Variants in CDH4 observed in about 807,000 individuals in gnomAD.
CDH4 encodes cadherin-4.
Under a neutral mutation model 86.0 loss-of-function variants are expected in CDH4, and 33 were observed. The ratio of observed to expected loss-of-function variants is 0.38; its 90% CI spans 0.29 to 0.51. The LOEUF (loss-of-function observed/expected upper bound fraction) is 0.51. Ranked by LOEUF, CDH4 falls within the 20% of genes least tolerant of loss-of-function variation. CDH4 has a pLI of 0.86. For synonymous variants in CDH4, 555 were observed against 549.4 expected, an observed-to-expected ratio of 1.01 and a Z score of -0.14; for missense variants, 1,114 against 1,307.4, an observed-to-expected ratio of 0.85 and a Z score of 2.28.
At chr20:61,262,231 C>G (rs1261618154) in intron 2 of CDH4, among the ~76,000 whole-genome samples, 1 of 152,202 alleles carries the variant, frequency 6.6e-6, no homozygotes, top group Admixed American at 6.5e-5. Flanking sequence ...CTCTCTTGAG[C>G]TGATGCCGTG....
chr20:61,551,577 G>C (rs764941586), intron 2 of CDH4, among the ~76,000 whole-genome samples: 6 of 152,156 alleles, frequency 3.9e-5, no homozygotes, highest in Non-Finnish European at 8.8e-5. Flanking sequence ...TCCTATGCAG[G>C]GAACCACGTG....
chr20:61,863,922 G>A lies in CDH4; in HGVS notation c.878-9806G>A, dbSNP rs1027629589. 1.4e-4 allele frequency among the ~76,000 whole-genome samples: 20 copies of A among 144,124 alleles called. No individual in the cohort carries two copies. The East Asian group carries it at 4.1e-3, about 29-fold the overall frequency. 94.6% of individuals were successfully genotyped at this position (144,124 alleles called of 152,430 possible). A position where few individuals can be genotyped will look rare whatever the true frequency, so the allele number is the denominator to read the frequency against. On this transcript the variant is annotated intron_variant, in intron 6 of 15. Transcript: ENST00000614565. Reference sequence around the variant, plus strand: ...CAGCATGGGTTTCCAGACACTGCCTGCCTCAGCTTCAGCTTAGCCCTTGGG... The same window carrying A: ...CAGCATGGGTTTCCAGACACTGCCTACCTCAGCTTCAGCTTAGCCCTTGGG...
chr20:61,254,831 TA>T lies in CDH4; in HGVS notation c.65del (p.Asn22MetfsTer22). On this transcript the variant is annotated frameshift_variant, in exon 2 of 16. Coordinates refer to ENST00000614565, the MANE Select transcript of CDH4 (RefSeq NM_001794.5). LOFTEE classifies it high-confidence loss of function. ...TCTCCCCTTTGTGTTCTCAGGCCCATAATGAGGATCTTACAACTAGAGAGAC... is the reference window on the plus strand; with the variant it reads ...TCTCCCCTTTGTGTTCTCAGGCCCATATGAGGATCTTACAACTAGAGAGAC... Reference protein sequence around the residue: ...LSLSGALRAHNEDLTTRETCK... With the variant: ...LSLSGALRAHXEDLTTRETCK... 6.3e-7 allele frequency: 1 copy of T among 1,590,546 alleles called. No homozygotes were observed. The highest frequency in any genetic ancestry group is 8.6e-7 in the Non-Finnish European group (1 of 1,158,512).
At chr20:61,882,483 C>G (rs1452089545) in intron 7 of CDH4, among the ~76,000 whole-genome samples, 1 of 152,210 alleles carries the variant, frequency 6.6e-6, no homozygotes, top group Non-Finnish European at 1.5e-5. Flanking sequence ...TGGATTCTCT[C>G]AAGATTCAGG....
intron 2 of CDH4, among the ~76,000 whole-genome samples, chr20:61,613,712 C>T (rs1377516311): frequency 6.6e-6 from 1 of 151,944 alleles, no homozygotes; most frequent in Non-Finnish European, 1.5e-5. Flanking sequence ...GGCTGTGTTC[C>T]CCTTCACTGC....
intron 2 of CDH4, among the ~76,000 whole-genome samples, chr20:61,577,060 G>C (rs1336525082): frequency 1.3e-5 from 2 of 152,248 alleles, no homozygotes; most frequent in Non-Finnish European, 2.9e-5. Flanking sequence ...GTGTGTTAAA[G>C]GATGCATGGA....
chr20:61,694,847 C>A (rs949547548), intron 2 of CDH4, among the ~76,000 whole-genome samples: 2 of 152,176 alleles, frequency 1.3e-5, no homozygotes, highest in African/African-American at 4.8e-5. Flanking sequence ...CGAGCGCTGG[C>A]GATACGCGGC....
At chr20:61,934,358 C>T in intron 15 of CDH4, 138 bp downstream of exon 15, 1 of 862,648 alleles carries the variant, frequency 1.2e-6, no homozygotes, top group Non-Finnish European at 1.7e-6. Flanking sequence ...GGGTTCCAGG[C>T]CCTGCTCTGC....
At chr20:61,279,187 A>G (rs544409494) in intron 2 of CDH4, among the ~76,000 whole-genome samples, 1 of 152,334 alleles carries the variant, frequency 6.6e-6, no homozygotes, top group East Asian at 1.9e-4. Context: ...ATCTGGGAAC[A>G]TTCTACGTGG....
chr20:61,555,270 A>G (rs566754707), intron 2 of CDH4, among the ~76,000 whole-genome samples: 15 of 152,294 alleles, frequency 9.8e-5, no homozygotes, highest in Middle Eastern at 3.4e-3. Flanking sequence ...TCATTTTAAG[A>G]GTGAAGATGT....
At chr20:61,854,348 C>T (rs1192870312) in intron 6 of CDH4, among the ~76,000 whole-genome samples, 5 of 152,206 alleles carry the variant, frequency 3.3e-5, no homozygotes, top group Non-Finnish European at 7.4e-5. Flanking sequence ...ATAGTGTGAA[C>T]AAGGTGAATT....
At chr20:61,306,931 G>A (rs1459147925) in intron 2 of CDH4, among the ~76,000 whole-genome samples, 1 of 152,200 alleles carries the variant, frequency 6.6e-6, no homozygotes, top group Admixed American at 6.5e-5. Flanking sequence ...CTGGCTGGGC[G>A]GGACTTCTCA....
At chr20:61,611,298 C>T (rs942253401) in intron 2 of CDH4, among the ~76,000 whole-genome samples, 1 of 152,086 alleles carries the variant, frequency 6.6e-6, no homozygotes, top group Non-Finnish European at 1.5e-5. Context: ...TGAGAATATA[C>T]AGGGGTCCAC....
chr20:61,406,583 T>A (rs1218764891), intron 2 of CDH4, among the ~76,000 whole-genome samples: 1 of 147,420 alleles, frequency 6.8e-6, no homozygotes, highest in East Asian at 2.1e-4. Flanking sequence ...GACCACCATC[T>A]GCTCTGCCCA....
chr20:61,366,558 A>G (rs985277913), intron 2 of CDH4, among the ~76,000 whole-genome samples: 3 of 152,254 alleles, frequency 2.0e-5, no homozygotes, highest in Admixed American at 6.5e-5. Context: ...CATTGTTTCT[A>G]TAGGTACTAA....
chr20:61,547,225 C>CTTT (rs2086094403), intron 2 of CDH4, among the ~76,000 whole-genome samples: 1 of 7,176 alleles, frequency 1.4e-4, no homozygotes, highest in Non-Finnish European at 3.2e-4. Flanking sequence ...TTTTTTTTTG[C>CTTT]CCCCTGAGAC....
intron 2 of CDH4, among the ~76,000 whole-genome samples, chr20:61,647,521 CA>C (rs2087073401): frequency 8.6e-6 from 1 of 116,314 alleles, no homozygotes. Flanking sequence ...TATGCACACA[CA>C]TATTCTCTCT....
chr20:61,344,931 A>G (rs1301690937), intron 2 of CDH4, among the ~76,000 whole-genome samples: 3 of 152,194 alleles, frequency 2.0e-5, no homozygotes, highest in South Asian at 2.1e-4. Context: ...TGCGCCGGCT[A>G]TTGACCCGCA....
In CDH4 at chr20:61,663,484, G is replaced by A. The variant is rs1435521261; in HGVS notation, c.170-80079G>A. Among the ~76,000 whole-genome samples, 4 of 151,958 alleles carry A rather than the reference G, an allele frequency of 2.6e-5. No individual in the cohort carries two copies. The highest frequency in any genetic ancestry group is 9.7e-5 in the African/African-American group (4 of 41,344). On this transcript the variant is annotated intron_variant, in intron 2 of 15. Transcript: ENST00000614565. The surrounding 1 kb of genome is among the most constrained non-coding windows in gnomAD (Gnocchi z 5.0). Reference sequence around the variant, plus strand: ...GGGGGCATTTCAGGCGAGGGTCCTAGAAATGCCAATGCTGGGGATGCCGCC... The same window carrying A: ...GGGGGCATTTCAGGCGAGGGTCCTAAAAATGCCAATGCTGGGGATGCCGCC...
Sources: gnomAD v4.1 joint callset for allele counts (sites outside exome capture counted in the v4.1 genomes callset) on GRCh38, gnomAD v4.1.1 for gene constraint, Gnocchi (gnomAD v3.1) non-coding constraint, MANE v1.5 for transcripts, NCBI Gene and HGNC (gene_info 2026-07-23, HGNC 2026-07-21) for gene names.